Variants in PANK2 observed in about 807,000 individuals in gnomAD.
PANK2 encodes pantothenate kinase 2, mitochondrial.
PANK2 carries 36 observed loss-of-function variants against 43.1 expected under a neutral mutation model. That is an observed-to-expected ratio of 0.84 (90% CI 0.64 to 1.10). The LOEUF (loss-of-function observed/expected upper bound fraction) is 1.10. PANK2 is among the 50% of genes least tolerant of loss of function. PANK2 has a pLI of 0.00. For missense variants in PANK2, 576 were observed against 593.3 expected (o/e 0.97, Z 0.30); for synonymous variants, 281 against 238.2 (o/e 1.18, Z -1.66).
At chr20:3,893,924 GTTTTTTGT>G (rs373916813) in intron 1 of PANK2, among the ~76,000 whole-genome samples, 48,086 of 124,058 alleles carry the variant, frequency 0.39, 8,932 homozygotes, top group South Asian at 0.46. Context: ...TTTTTTGTTT[GTTTTTTGT>G]TTTTTTTTTT....
chr20:3,913,619 G>A (rs930161804), intron 4 of PANK2, among the ~76,000 whole-genome samples: 1 of 149,230 alleles, frequency 6.7e-6, no homozygotes, highest in Non-Finnish European at 1.5e-5. Context: ...ACAGGTGTGA[G>A]CCACCGCGCC....
chr20:3,927,109 G>A lies in PANK2; in HGVS notation c.*3815G>A, dbSNP rs1475293829. Among the ~76,000 whole-genome samples the A allele has an allele frequency of 6.6e-6, 1 of 151,982 alleles. No homozygotes were observed. The highest frequency in any genetic ancestry group is 1.5e-5 in the Non-Finnish European group (1 of 68,006). On this transcript the variant is annotated 3_prime_UTR_variant, in exon 7 of 7. Coordinates refer to ENST00000610179, the MANE Select transcript of PANK2 (RefSeq NM_001386393.1). Reference sequence around the variant, plus strand: ...GATTCTCTGTTCTCTGGCTGTGGTGGCCTGACACACTCTTCACCACTGACC... The same window carrying A: ...GATTCTCTGTTCTCTGGCTGTGGTGACCTGACACACTCTTCACCACTGACC...
At chr20:3,914,077 C>T (rs899004739) in intron 4 of PANK2, among the ~76,000 whole-genome samples, 12 of 152,038 alleles carry the variant, frequency 7.9e-5, no homozygotes, top group Non-Finnish European at 1.2e-4. Context: ...GCGTGAGCCA[C>T]TGCGCCTGGC....
chr20:3,903,457 CTTCTTTTCCTTTTTTTT>C (rs1375068055), intron 1 of PANK2, among the ~76,000 whole-genome samples: 2 of 123,912 alleles, frequency 1.6e-5, no homozygotes, highest in Non-Finnish European at 3.4e-5. Flanking sequence ...TTTTTTTTTT[CTTCTTTTCCTTTTTTTT>C]TTTTTTTTTG....
Position 3,908,112 on chromosome 20 carries a change from A to T in PANK2, c.485A>T (p.Asp162Val). 1 of 1,614,140 alleles carries T rather than the reference A, an allele frequency of 6.2e-7. No homozygotes were observed. Among genetic ancestry groups the T allele is most frequent in the Non-Finnish European group, 8.5e-7 (1 of 1,180,032 alleles). Reference sequence around the variant, plus strand: ...CGGGACGTGCACCTCGAGCTGAAGGACCTGACTCTGTGTGGACGCAAAGGC... The same window carrying T: ...CGGGACGTGCACCTCGAGCTGAAGGTCCTGACTCTGTGTGGACGCAAAGGC... Residue 162 changes from aspartate (D) to valine (V), a missense_variant, in exon 2 of 7, where the codon GAC (aspartate) becomes GTC (valine). Coordinates refer to ENST00000610179, the MANE Select transcript of PANK2 (RefSeq NM_001386393.1).
At chr20:3,891,994 TCTTC>T (rs945100235) in intron 1 of PANK2, among the ~76,000 whole-genome samples, 1 of 152,232 alleles carries the variant, frequency 6.6e-6, no homozygotes, top group African/African-American at 2.4e-5. Context: ...TACTGATTGT[TCTTC>T]CTTCCATTTG....
intron 1 of PANK2, among the ~76,000 whole-genome samples, chr20:3,902,940 T>C (rs1360518260): frequency 3.3e-5 from 5 of 150,334 alleles, no homozygotes; most frequent in South Asian, 2.1e-4. Flanking sequence ...ATTTAAAATA[T>C]ACAGTTCCAT....
At position 3,923,362 on chromosome 20, in the gene PANK2, GACTT is replaced by G; in HGVS notation, c.*72_*75del. ...TCTGTGGACTTTCATTTTTTTAAGAGACTTACTCAATTTCATGACTGTACTACCT... is the reference window on the plus strand; with the variant it reads ...TCTGTGGACTTTCATTTTTTTAAGAGACTCAATTTCATGACTGTACTACCT... On this transcript the variant is annotated 3_prime_UTR_variant, in exon 7 of 7. Transcript: ENST00000610179. 4 of 1,508,928 alleles carry G rather than the reference GACTT, an allele frequency of 2.7e-6. No individual in the cohort carries two copies. The highest frequency in any genetic ancestry group is 3.7e-6 in the Non-Finnish European group (4 of 1,084,638). 93.5% of individuals were successfully genotyped at this position (1,508,928 alleles called of 1,614,324 possible).
intron 3 of PANK2, among the ~76,000 whole-genome samples, chr20:3,912,243 G>A (rs888191195): frequency 1.3e-5 from 2 of 152,146 alleles, no homozygotes; most frequent in African/African-American, 2.4e-5. Flanking sequence ...GGGGACATGG[G>A]CCCTGTGTTT....
intron 3 of PANK2, among the ~76,000 whole-genome samples, chr20:3,911,542 C>G (rs549507658): frequency 2.0e-5 from 3 of 151,498 alleles, no homozygotes; most frequent in Non-Finnish European, 4.4e-5. Context: ...CGAGATTATG[C>G]CACTGCACTC....
chr20:3,916,141 T>C (rs2090556096), intron 4 of PANK2, among the ~76,000 whole-genome samples: 1 of 152,242 alleles, frequency 6.6e-6, no homozygotes, highest in Admixed American at 6.5e-5. Context: ...TTTTGTAGAT[T>C]TTATTGTACA....
chr20:3,921,615 C>G (rs942854983), intron 6 of PANK2: 1 of 152,206 alleles, frequency 6.6e-6, no homozygotes, highest in Non-Finnish European at 1.5e-5. Flanking sequence ...TCAGCTGTGC[C>G]TTGTCCTGTA....
intron 1 of PANK2, among the ~76,000 whole-genome samples, chr20:3,893,232 C>T (rs1371412976): frequency 6.6e-6 from 1 of 151,986 alleles, no homozygotes; most frequent in East Asian, 1.9e-4. Flanking sequence ...GTTTTGATTC[C>T]TGGTGTCTTG....
chr20:3,905,832 C>G (rs1039309515), intron 1 of PANK2, among the ~76,000 whole-genome samples: 1 of 150,740 alleles, frequency 6.6e-6, no homozygotes, highest in African/African-American at 2.4e-5. Context: ...TCTCCTGCCT[C>G]AGCCTCCTGA....
At chr20:3,919,148 G>C (rs2090609310) in intron 6 of PANK2, among the ~76,000 whole-genome samples, 1 of 152,186 alleles carries the variant, frequency 6.6e-6, no homozygotes, top group Non-Finnish European at 1.5e-5. Context: ...CTGACCTTAA[G>C]TGATCTGCCA....
chr20:3,888,803 C>T, upstream of PANK2: 1 of 407,848 alleles, frequency 2.5e-6, no homozygotes, highest in South Asian at 4.9e-5. Context: ...ACCTCTCTCT[C>T]CAACGCAGGC....
chr20:3,889,493 G>A lies in PANK2; in HGVS notation c.63G>A (p.Ala21=). 2 of 1,469,770 alleles carry A rather than the reference G, an allele frequency of 1.4e-6. No homozygotes were observed. Among genetic ancestry groups the A allele is most frequent in the African/African-American group, 1.5e-5 (1 of 68,116 alleles). The allele number at this position is 1,469,770 out of a possible 1,614,324, so 91.0% of individuals were successfully genotyped here. A position where few individuals can be genotyped will look rare whatever the true frequency, so the allele number is the denominator to read the frequency against. ...GGATGGGAGGGGGCCGGCTCGGCGC[G>A]CCCATGGAGCGCCACGGCAGGGCTT... The change falls in exon 1 of 7, where the codon GCG becomes GCA. Residue 21 remains alanine (A), a synonymous_variant. Transcript: ENST00000610179.
chr20:3,894,592 T>C (rs1198396555), intron 1 of PANK2, among the ~76,000 whole-genome samples: 1 of 149,460 alleles, frequency 6.7e-6, no homozygotes, highest in East Asian at 2.0e-4. Flanking sequence ...ATTTATTTAT[T>C]TATTGAGACG....
rs2090694779 is a variant in PANK2, at chr20:3,924,645, T to C, written c.*1351T>C. 1.3e-5 allele frequency: 2 copies of C among 152,864 alleles called. No homozygotes were observed. Among genetic ancestry groups the C allele is most frequent in the African/African-American group, 2.4e-5 (1 of 41,488 alleles). 9.5% of individuals were successfully genotyped at this position (152,864 alleles called of 1,614,324 possible). ...GAGGGTAATTTTGTCCCCTGGAGAGTGATTGGTGACCCTCTTCCCTGCTGC... is the reference window on the plus strand; with the variant it reads ...GAGGGTAATTTTGTCCCCTGGAGAGCGATTGGTGACCCTCTTCCCTGCTGC... On this transcript the variant is annotated 3_prime_UTR_variant, in exon 7 of 7. Transcript: ENST00000610179.
Sources: allele counts gnomAD v4.1 joint callset (sites outside exome capture counted in the v4.1 genomes callset), GRCh38; gene constraint gnomAD v4.1.1; transcripts MANE v1.5; gene names NCBI Gene and HGNC (gene_info 2026-07-23, HGNC 2026-07-21).